Variants in FRMD4A observed in about 807,000 individuals in gnomAD.
FRMD4A encodes the protein FERM domain containing 4A.
FRMD4A carries 29 observed loss-of-function variants against 129.1 expected under a neutral mutation model. The ratio of observed to expected loss-of-function variants is 0.22; its 90% CI spans 0.17 to 0.31. The LOEUF is 0.31. Among genes scored for constraint, FRMD4A ranks in the 10% least tolerant of loss-of-function variants. FRMD4A has a pLI of 1.00. For synonymous variants in FRMD4A, 634 were observed against 571.6 expected (o/e 1.11, Z -1.56); for missense variants, 1,272 against 1,375.8 (o/e 0.92, Z 1.19).
At chr10:13,797,523 G>C (rs1213962236) in intron 4 of FRMD4A, among the ~76,000 whole-genome samples, 1 of 152,164 alleles carries the variant, frequency 6.6e-6, no homozygotes. Context: ...TGAGGCTAGG[G>C]AGAGCCCTGG....
At chr10:13,925,359 T>C (rs989914855) in intron 2 of FRMD4A, among the ~76,000 whole-genome samples, 2 of 152,140 alleles carry the variant, frequency 1.3e-5, no homozygotes, top group South Asian at 2.1e-4. Context: ...TATTTGTATA[T>C]TTACTTTTGT....
intron 2 of FRMD4A, chr10:14,008,568 T>C (rs1166074486): frequency 1.1e-6 from 1 of 924,878 alleles, no homozygotes; most frequent in East Asian, 1.2e-4. Context: ...CAAAGCTCTA[T>C]CAGACGTATT....
intron 8 of FRMD4A, among the ~76,000 whole-genome samples, chr10:13,749,071 G>A (rs2091435407): frequency 6.6e-6 from 1 of 152,070 alleles, no homozygotes. Context: ...ACCATCTGTG[G>A]CGTCTGCACC....
intron 12 of FRMD4A, among the ~76,000 whole-genome samples, chr10:13,731,678 C>G (rs1484623783): frequency 2.7e-5 from 4 of 150,704 alleles, no homozygotes; most frequent in African/African-American, 7.3e-5. Context: ...AATTCTACAT[C>G]CTATCCTCAG....
intron 3 of FRMD4A, among the ~76,000 whole-genome samples, chr10:13,815,038 A>G (rs2093519182): frequency 6.6e-6 from 1 of 152,110 alleles, no homozygotes; most frequent in African/African-American, 2.4e-5. Flanking sequence ...TCCTAATTCC[A>G]TGCCTCCCAA....
rs7920813 is a variant in FRMD4A, at chr10:13,704,509, C to T, written c.836+2528G>A. Among the ~76,000 whole-genome samples the T allele has an allele frequency of 2.6e-3, 395 of 152,270 alleles. 1 individual carries two copies. Among genetic ancestry groups the T allele is most frequent in the African/African-American group, 9.0e-3 (374 of 41,544 alleles). On this transcript the variant is annotated intron_variant, in intron 13 of 24. Transcript: ENST00000357447. Reference sequence around the variant, plus strand: ...TCTATATCCCCCTGAGGCCCTACCACGTGGCTTTAATCCTAGTTACCCCTC... The same window carrying T: ...TCTATATCCCCCTGAGGCCCTACCATGTGGCTTTAATCCTAGTTACCCCTC...
chr10:14,056,560 C>T (rs1301122770), intron 2 of FRMD4A, among the ~76,000 whole-genome samples: 1 of 152,082 alleles, frequency 6.6e-6, no homozygotes, highest in African/African-American at 2.4e-5. Flanking sequence ...CCCCTCCACC[C>T]TCTGTAACTG....
chr10:13,989,395 CGCCAGGCTGGAGTGTA>C (rs2095595291), intron 2 of FRMD4A, among the ~76,000 whole-genome samples: 1 of 152,050 alleles, frequency 6.6e-6, no homozygotes, highest in Admixed American at 6.5e-5. Flanking sequence ...CTCGCTCTGT[CGCCAGGCTGGAGTGTA>C]GTGGCGCCAT....
chr10:14,079,155 T>C (rs1411613199), intron 2 of FRMD4A, among the ~76,000 whole-genome samples: 1 of 152,210 alleles, frequency 6.6e-6, no homozygotes, highest in African/African-American at 2.4e-5. Context: ...ATCAACCTCA[T>C]GAGGTGCTGC....
intron 2 of FRMD4A, among the ~76,000 whole-genome samples, chr10:14,056,267 A>G (rs1246757633): frequency 1.1e-4 from 16 of 152,146 alleles, no homozygotes; most frequent in Non-Finnish European, 2.4e-4. Flanking sequence ...CCTGACCTCA[A>G]GTGATATGCC....
intron 3 of FRMD4A, among the ~76,000 whole-genome samples, chr10:13,835,543 C>A (rs181698531): frequency 1.3e-5 from 2 of 152,214 alleles, no homozygotes; most frequent in African/African-American, 2.4e-5. Flanking sequence ...CTGAGTTCCA[C>A]CTCCCTTCAG....
intron 2 of FRMD4A, among the ~76,000 whole-genome samples, chr10:14,293,094 T>C (rs1372619102): frequency 6.6e-6 from 1 of 152,190 alleles, no homozygotes; most frequent in Admixed American, 6.6e-5. Flanking sequence ...ATTGCTATGG[T>C]TTGAATGTGT....
At chr10:14,095,751 T>C (rs1467075324) in intron 2 of FRMD4A, among the ~76,000 whole-genome samples, 1 of 152,222 alleles carries the variant, frequency 6.6e-6, no homozygotes, top group Non-Finnish European at 1.5e-5. Flanking sequence ...GGCATATAAA[T>C]AAGCATAGCT....
intron 3 of FRMD4A, among the ~76,000 whole-genome samples, chr10:13,830,624 C>T (rs1434512467): frequency 1.3e-5 from 2 of 152,202 alleles, no homozygotes; most frequent in African/African-American, 4.8e-5. Context: ...AATGTAACCC[C>T]AGCATTGCCA....
intron 12 of FRMD4A, among the ~76,000 whole-genome samples, chr10:13,716,227 C>A (rs565092266): frequency 6.6e-6 from 1 of 152,172 alleles, no homozygotes; most frequent in South Asian, 2.1e-4. Flanking sequence ...CCAATTCCTC[C>A]GTCCACTGCA....
At chr10:13,699,634 T>A (rs1554851162) in intron 14 of FRMD4A, among the ~76,000 whole-genome samples, 1 of 152,060 alleles carries the variant, frequency 6.6e-6, no homozygotes, top group Non-Finnish European at 1.5e-5. Context: ...GTACAGTGCG[T>A]GGGGGGTCTG....
At chr10:13,762,561 G>T in intron 7 of FRMD4A, 63 bp downstream of exon 7, 1 of 954,344 alleles carries the variant, frequency 1.0e-6, no homozygotes, top group Non-Finnish European at 1.7e-6. Flanking sequence ...TGCCTGGTAA[G>T]TCTTACTTCC....
chr10:14,035,966 T>C (rs971365429), intron 2 of FRMD4A, among the ~76,000 whole-genome samples: 25 of 148,920 alleles, frequency 1.7e-4, no homozygotes, highest in African/African-American at 5.0e-4. Context: ...CACTTGAACC[T>C]GGGAGGCGGA....
In FRMD4A at chr10:14,131,396, G is replaced by GCGC. The variant is rs764703709; in HGVS notation, c.45+198661_45+198662insGCG. The stretch of plus-strand genomic sequence containing the variant: ...TTAGCTCCTTAGCCCAACTCACTGT[G>GCGC]CCCCCCCCGGCCGCCCTGTTGTCTC... On this transcript the variant is annotated intron_variant, in intron 2 of 24. Coordinates refer to ENST00000357447, the MANE Select transcript of FRMD4A (RefSeq NM_018027.5). 1.0e-3 allele frequency among the ~76,000 whole-genome samples: 154 copies of GCGC among 149,050 alleles called. 1 individual carries two copies. Among genetic ancestry groups the GCGC allele is most frequent in the Non-Finnish European group, 1.6e-3 (106 of 67,422 alleles).
Sources: gnomAD v4.1 joint callset for allele counts (sites outside exome capture counted in the v4.1 genomes callset) on GRCh38, gnomAD v4.1.1 for gene constraint, MANE v1.5 for transcripts, NCBI Gene and HGNC (gene_info 2026-07-23, HGNC 2026-07-21) for gene names.